CSMD1: variants seen among roughly 807,000 people sequenced by gnomAD.
CSMD1 encodes CUB and Sushi multiple domains 1.
CSMD1 carries 213 observed loss-of-function variants against 417.5 expected under a neutral mutation model. The observed-to-expected ratio is 0.51, with a 90% CI of 0.46 to 0.57. CSMD1 has a LOEUF of 0.57. CSMD1 is among the 20% of genes least tolerant of loss of function. The pLI is 0.00. For missense variants in CSMD1, 6,923 were observed against 4,529.7 expected, an observed-to-expected ratio of 1.53 and a Z score of -15.17; for synonymous variants, 2,862 against 1,736.8, an observed-to-expected ratio of 1.65 and a Z score of -16.11.
At position 3,888,353 on chromosome 8, in the gene CSMD1, C is replaced by G. The variant is rs146450484; in HGVS notation, c.818+109550G>C. Among the ~76,000 whole-genome samples the G allele has an allele frequency of 1.8e-4, 28 of 152,306 alleles. No homozygotes were observed. The East Asian group carries it at 5.4e-3, about 29-fold the overall frequency. ...CCAAAGTCAAAGGATGGTGATTACT[C>G]AGTCAGATGAGCTCTAAACAAGCTT... On this transcript the variant is annotated intron_variant, in intron 5 of 69. Coordinates refer to ENST00000635120, the MANE Select transcript of CSMD1 (RefSeq NM_033225.6).
chr8:4,271,436 C>CTCCTCA (rs1379721711), intron 3 of CSMD1, among the ~76,000 whole-genome samples: 1 of 152,072 alleles, frequency 6.6e-6, no homozygotes, highest in African/African-American at 2.4e-5. Flanking sequence ...GTAGGAGACT[C>CTCCTCA]TCCTCATTAA....
intron 5 of CSMD1, among the ~76,000 whole-genome samples, chr8:3,862,124 C>G (rs1004640119): frequency 2.0e-5 from 3 of 152,140 alleles, no homozygotes; most frequent in Admixed American, 2.0e-4. Flanking sequence ...ACTTTTTAAT[C>G]TGCCCTGCTG....
intron 23 of CSMD1, among the ~76,000 whole-genome samples, chr8:3,326,116 C>A (rs1026422054): frequency 6.6e-6 from 1 of 152,298 alleles, no homozygotes; most frequent in Middle Eastern, 3.4e-3. Flanking sequence ...CTTCTTCCCA[C>A]AGAATCCAAG....
At chr8:3,636,287 C>G (rs1237974477) in intron 7 of CSMD1, among the ~76,000 whole-genome samples, 1 of 152,190 alleles carries the variant, frequency 6.6e-6, no homozygotes, top group African/African-American at 2.4e-5. Context: ...CCTGAAGGCC[C>G]TGCCTGAGGC....
chr8:4,519,100 C>T (rs939439025), intron 2 of CSMD1, among the ~76,000 whole-genome samples: 5 of 152,242 alleles, frequency 3.3e-5, no homozygotes, highest in African/African-American at 7.2e-5. Context: ...CATTCCTTAT[C>T]ACAACATACT....
At chr8:3,820,670 G>C (rs2129082385) in intron 5 of CSMD1, among the ~76,000 whole-genome samples, 1 of 152,306 alleles carries the variant, frequency 6.6e-6, no homozygotes, top group East Asian at 1.9e-4. Context: ...CTGCCTCCCA[G>C]GTTTGAGCTA....
At chr8:4,536,677 C>T (rs1312930012) in intron 2 of CSMD1, among the ~76,000 whole-genome samples, 1 of 152,134 alleles carries the variant, frequency 6.6e-6, no homozygotes, top group Non-Finnish European at 1.5e-5. Flanking sequence ...TTTATTTATA[C>T]TTTTATTTGT....
At chr8:4,803,707 C>A (rs912092135) in intron 1 of CSMD1, among the ~76,000 whole-genome samples, 1 of 152,252 alleles carries the variant, frequency 6.6e-6, no homozygotes, top group South Asian at 2.1e-4. Context: ...CTTTTTTCCA[C>A]GAATGTCTAT....
intron 2 of CSMD1, among the ~76,000 whole-genome samples, chr8:4,577,075 T>C (rs2130680321): frequency 6.6e-6 from 1 of 152,336 alleles, no homozygotes; most frequent in South Asian, 2.1e-4. Flanking sequence ...AAAATGATTA[T>C]ATGATAATTT....
At chr8:4,499,968 G>C (rs572732353) in intron 2 of CSMD1, among the ~76,000 whole-genome samples, 2 of 152,272 alleles carry the variant, frequency 1.3e-5, no homozygotes, top group African/African-American at 4.8e-5. Flanking sequence ...AAAAAAAGCA[G>C]ATATCTATGA....
intron 48 of CSMD1, 121 bp from the exon 49 acceptor site, chr8:3,087,406 C>A: frequency 1.0e-5 from 10 of 1,004,546 alleles, no homozygotes; most frequent in Non-Finnish European, 1.5e-5. Flanking sequence ...GAAATGAGCA[C>A]CAGTATGTAA....
chr8:3,012,232 T>C (rs918157926), intron 52 of CSMD1, among the ~76,000 whole-genome samples: 3 of 152,208 alleles, frequency 2.0e-5, no homozygotes, highest in African/African-American at 7.2e-5. Flanking sequence ...AGGTTCTTCT[T>C]AGAATCCAGA....
intron 1 of CSMD1, among the ~76,000 whole-genome samples, chr8:4,714,955 T>G (rs1340375653): frequency 2.0e-5 from 3 of 152,220 alleles, no homozygotes; most frequent in Non-Finnish European, 2.9e-5. Context: ...TCTGCTGCTG[T>G]TTTTGTAAAA....
chr8:3,308,925 A>T (rs995373451), intron 23 of CSMD1, among the ~76,000 whole-genome samples: 1 of 151,824 alleles, frequency 6.6e-6, no homozygotes, highest in Non-Finnish European at 1.5e-5. Flanking sequence ...GGGTTTCACT[A>T]TGTTGGCCAG....
chr8:3,898,615 A>G (rs1807521242), intron 5 of CSMD1, among the ~76,000 whole-genome samples: 1 of 152,210 alleles, frequency 6.6e-6, no homozygotes, highest in African/African-American at 2.4e-5. Context: ...AATGTTTACT[A>G]AATCAAAGGT....
At chr8:3,848,565 T>C (rs962138016) in intron 5 of CSMD1, among the ~76,000 whole-genome samples, 38 of 152,330 alleles carry the variant, frequency 2.5e-4, no homozygotes, top group African/African-American at 8.4e-4. Flanking sequence ...TTCACCTTTG[T>C]GCTGCTCCTT....
At chr8:4,789,601 T>C (rs568724560) in intron 1 of CSMD1, among the ~76,000 whole-genome samples, 2 of 152,292 alleles carry the variant, frequency 1.3e-5, no homozygotes, top group African/African-American at 4.8e-5. Context: ...TAAACTGTTT[T>C]TCTCACTCCA....
intron 3 of CSMD1, among the ~76,000 whole-genome samples, chr8:4,417,185 G>A (rs997550644): frequency 2.0e-5 from 3 of 151,988 alleles, no homozygotes; most frequent in Non-Finnish European, 2.9e-5. Context: ...AATAATCAAT[G>A]TTAGTATAAA....
intron 33 of CSMD1, among the ~76,000 whole-genome samples, chr8:3,198,873 G>A (rs1371780125): frequency 2.0e-5 from 3 of 152,020 alleles, no homozygotes; most frequent in Non-Finnish European, 4.4e-5. Flanking sequence ...CTTAACAGTG[G>A]CCATTAGTAT....
Sources: gnomAD v4.1 joint callset for allele counts (sites outside exome capture counted in the v4.1 genomes callset) on GRCh38, gnomAD v4.1.1 for gene constraint, MANE v1.5 for transcripts, NCBI Gene and HGNC (gene_info 2026-07-23, HGNC 2026-07-21) for gene names.